The following NTNG2 variants were observed in gnomAD, a reference collection of about 807,000 sequenced individuals.
NTNG2 encodes netrin-G2.
NTNG2 carries 15 observed loss-of-function variants against 47.6 expected under a neutral mutation model. That is an observed-to-expected ratio of 0.32 (90% CI 0.21 to 0.49). The LOEUF (loss-of-function observed/expected upper bound fraction) is 0.49. Among genes scored for constraint, NTNG2 ranks in the 20% least tolerant of loss-of-function variants. The pLI, the probability that NTNG2 is intolerant of heterozygous loss-of-function variation, is 0.99. For synonymous variants in NTNG2, 307 were observed against 324.6 expected (o/e 0.95, Z 0.58); for missense variants, 578 against 764.6 (o/e 0.76, Z 2.88).
rs1044172820 is a variant in NTNG2 at position 132,223,255 on chromosome 9, C to T, written c.858-3594C>T. Among the ~76,000 whole-genome samples the T allele has an allele frequency of 2.9e-4, 44 of 152,276 alleles. 1 individual carries two copies. Among genetic ancestry groups the T allele is most frequent in the Admixed American group, 2.6e-3 (40 of 15,298 alleles). On this transcript the variant is annotated intron_variant, in intron 3 of 7. Coordinates refer to ENST00000393229, the MANE Select transcript of NTNG2 (RefSeq NM_032536.4). ...TGGCAGATGGGGGTTAGCTGGAAGC[C>T]CCAGGGCTGGTGGACGCAGGGGCCG...
intron 3 of NTNG2, among the ~76,000 whole-genome samples, chr9:132,225,283 T>C (rs1840673121): frequency 1.3e-5 from 2 of 148,784 alleles, no homozygotes; most frequent in South Asian, 4.3e-4. Flanking sequence ...TGTTTTGTTT[T>C]TTTTGGAGAC....
Position 132,181,344 on chromosome 9 carries a change from G to C in NTNG2, c.213+14300G>C, listed in dbSNP as rs1377192017. Among the ~76,000 whole-genome samples, 4 of 130,298 alleles carry C rather than the reference G, an allele frequency of 3.1e-5. No homozygotes were observed. In the South Asian group the frequency reaches 1.0e-3, roughly 33 times the overall value. The allele number at this position is 130,298 out of a possible 152,430, so 85.5% of individuals were successfully genotyped here. ...TTTCTTTTTTTTTTTTTTTTGAGAC[G>C]GAGTCTTGCTCTGTCACCCAGGCTG... On this transcript the variant is annotated intron_variant, in intron 2 of 7. Coordinates refer to ENST00000393229, the MANE Select transcript of NTNG2 (RefSeq NM_032536.4).
chr9:132,216,051 C>A (rs539993047), intron 3 of NTNG2, among the ~76,000 whole-genome samples: 11 of 152,248 alleles, frequency 7.2e-5, no homozygotes, highest in African/African-American at 2.6e-4. Context: ...ACTGATTCCC[C>A]AAGGCTGGTC....
intron 2 of NTNG2, among the ~76,000 whole-genome samples, chr9:132,168,091 A>G (rs1835629168): frequency 6.6e-6 from 1 of 152,204 alleles, no homozygotes; most frequent in African/African-American, 2.4e-5. Flanking sequence ...TTCTGGTCAT[A>G]CAGGTGGGGT....
At chr9:132,196,543 T>G (rs1047306212) in intron 2 of NTNG2, among the ~76,000 whole-genome samples, 1 of 152,204 alleles carries the variant, frequency 6.6e-6, no homozygotes, top group Admixed American at 6.5e-5. Flanking sequence ...ACCACTGCAG[T>G]ATTATACGGC....
rs1842057450 is a variant in NTNG2, at chr9:132,242,545, C to G, written c.*434C>G. The G allele has an allele frequency of 6.6e-6, 1 of 152,356 alleles. No homozygotes were observed. The highest frequency in any genetic ancestry group is 6.5e-5 in the Admixed American group (1 of 15,290). The allele number at this position is 152,356 out of a possible 1,614,324, so 9.4% of individuals were successfully genotyped here. A position where few individuals can be genotyped will look rare whatever the true frequency, so the allele number is the denominator to read the frequency against. On this transcript the variant is annotated 3_prime_UTR_variant, in exon 8 of 8. Transcript: ENST00000393229. This position sits in a 1 kb window ranked among gnomAD's most constrained non-coding sequence, Gnocchi z 5.9. ...CTCACGGGCGGCGGCGGACCCCGAC[C>G]TCCAGTTGCCTACAATTCCAGTCGC...
chr9:132,213,529 AC>A (rs1839762066), intron 3 of NTNG2, among the ~76,000 whole-genome samples: 1 of 151,978 alleles, frequency 6.6e-6, no homozygotes. Context: ...CAGGTCCCCA[AC>A]CCCAGCTCTG....
At chr9:132,200,720 G>A (rs1838682026) in intron 3 of NTNG2, among the ~76,000 whole-genome samples, 2 of 152,182 alleles carry the variant, frequency 1.3e-5, no homozygotes, top group African/African-American at 4.8e-5. Context: ...CTTCAAGTCT[G>A]GCAGATGGGA....
intron 3 of NTNG2, among the ~76,000 whole-genome samples, chr9:132,217,003 G>A (rs751527314): frequency 1.3e-5 from 2 of 152,190 alleles, no homozygotes; most frequent in South Asian, 2.1e-4. Flanking sequence ...TGGAATGGAC[G>A]CGAAGCCAGC....
In NTNG2 at chr9:132,213,331, C is replaced by CA. The variant is rs61393543; in HGVS notation, c.858-13488dup. ...GCGATGACAGAGTAAGACTCCATCT[C>CA]AAAAAAAAAAAAAAAAAAAAAAAAA... On this transcript the variant is annotated intron_variant, in intron 3 of 7. Coordinates refer to ENST00000393229, the MANE Select transcript of NTNG2 (RefSeq NM_032536.4). Among the ~76,000 whole-genome samples, 944 of 104,210 alleles carry CA rather than the reference C, an allele frequency of 9.1e-3. 44 individuals carry two copies. The highest frequency in any genetic ancestry group is 0.018 in the East Asian group (59 of 3,308). The allele number at this position is 104,210 out of a possible 152,430, so 68.4% of individuals were successfully genotyped here.
chr9:132,187,030 C>A lies in NTNG2; in HGVS notation c.214-10936C>A, dbSNP rs565625460. Among the ~76,000 whole-genome samples the A allele has an allele frequency of 7.9e-5, 12 of 152,338 alleles. No individual in the cohort carries two copies. In the South Asian group the frequency reaches 1.0e-3, roughly 13 times the overall value. On this transcript the variant is annotated intron_variant, in intron 2 of 7. Coordinates refer to ENST00000393229, the MANE Select transcript of NTNG2 (RefSeq NM_032536.4). ...CGGGGTGAGGGGCGGTGAGGAGAGC[C>A]GCTCTGAGCAACCAAGGAACTGAGA...
At chr9:132,174,363 C>A (rs973548612) in intron 2 of NTNG2, among the ~76,000 whole-genome samples, 4 of 127,904 alleles carry the variant, frequency 3.1e-5, no homozygotes, top group Non-Finnish European at 4.7e-5. Context: ...GCAGATTAGA[C>A]GGACAGATGG....
chr9:132,187,441 G>A (rs1408433364), intron 2 of NTNG2, among the ~76,000 whole-genome samples: 2 of 152,138 alleles, frequency 1.3e-5, no homozygotes, highest in African/African-American at 4.8e-5. Context: ...AAGAGAATCT[G>A]GAAAGGGAAG....
intron 3 of NTNG2, among the ~76,000 whole-genome samples, chr9:132,219,572 CAAA>C (rs35634958): frequency 5.0e-5 from 5 of 100,242 alleles, no homozygotes; most frequent in African/African-American, 4.1e-5. Flanking sequence ...GACTCTGTCT[CAAA>C]AAAAAAAAAA....
Position 132,166,737 on chromosome 9 carries a change from T to C in NTNG2, c.-95T>C. ...ACCCCGGCCACCCTCGCCTGGTAGATGTGGCATTTCCATGCTGAGGCCGCG... is the reference window on the plus strand; with the variant it reads ...ACCCCGGCCACCCTCGCCTGGTAGACGTGGCATTTCCATGCTGAGGCCGCG... On this transcript the variant is annotated 5_prime_UTR_variant, in exon 2 of 8. It removes an upstream start codon present in the reference 5' UTR. Coordinates refer to ENST00000393229, the MANE Select transcript of NTNG2 (RefSeq NM_032536.4). The C allele has an allele frequency of 8.6e-7, 1 of 1,160,492 alleles. No homozygotes were observed. The highest frequency in any genetic ancestry group is 1.3e-6 in the Non-Finnish European group (1 of 781,646). 71.9% of individuals were successfully genotyped at this position (1,160,492 alleles called of 1,614,324 possible).
At chr9:132,229,075 C>T (rs565885209) in intron 4 of NTNG2, among the ~76,000 whole-genome samples, 1 of 152,204 alleles carries the variant, frequency 6.6e-6, no homozygotes, top group South Asian at 2.1e-4. Context: ...CTGAGCTGGC[C>T]CCACCTCCTG....
In NTNG2 at chr9:132,218,885, C is replaced by T. The variant is rs532932804; in HGVS notation, c.858-7964C>T. ...CAAGAAAAGCCTGGAAGCTGTAAGC[C>T]CTTCCCTGTTTCCACACATCCCGAT... On this transcript the variant is annotated intron_variant, in intron 3 of 7. Coordinates refer to ENST00000393229, the MANE Select transcript of NTNG2 (RefSeq NM_032536.4). The surrounding 1 kb of genome is among the most constrained non-coding windows in gnomAD (Gnocchi z 5.4). 1.1e-3 allele frequency among the ~76,000 whole-genome samples: 169 copies of T among 152,302 alleles called. No homozygotes were observed. Among genetic ancestry groups the T allele is most frequent in the Non-Finnish European group, 6.8e-4 (46 of 68,034 alleles).
intron 2 of NTNG2, among the ~76,000 whole-genome samples, chr9:132,171,357 C>A (rs1835902016): frequency 6.6e-6 from 1 of 152,224 alleles, no homozygotes; most frequent in South Asian, 2.1e-4. Context: ...CCTCTCACAA[C>A]ATAACAGAAG....
rs1438309423 is a variant in NTNG2, at chr9:132,242,037, G to T, written c.1519G>T (p.Gly507Trp). The T allele has an allele frequency of 2.3e-6, 3 of 1,288,754 alleles. No homozygotes were observed. The highest frequency in any genetic ancestry group is 2.9e-6 in the Non-Finnish European group (3 of 1,022,356). 79.8% of individuals were successfully genotyped at this position (1,288,754 alleles called of 1,614,324 possible). Residue 507 changes from glycine to tryptophan, a missense_variant, in exon 8 of 8, where the codon GGG becomes TGG. Transcript: ENST00000393229. The surrounding 1 kb of genome is among the most constrained non-coding windows in gnomAD (Gnocchi z 5.9). Reference protein sequence around the residue: ...DGGLDCDRAPGAAPRPATLLG... With the variant: ...DGGLDCDRAPWAAPRPATLLG... ...CGGTCTGGACTGCGACCGCGCGCCC[G>T]GGGCCGCCCCGCGCCCCGCCACCCT... is the stretch of plus-strand genomic sequence containing the variant.
Sources: allele counts gnomAD v4.1 joint callset (sites outside exome capture counted in the v4.1 genomes callset), GRCh38; gene constraint gnomAD v4.1.1; non-coding constraint Gnocchi (gnomAD v3.1); transcripts MANE v1.5; gene names NCBI Gene and HGNC (gene_info 2026-07-23, HGNC 2026-07-21).